Variants in KMT2C observed in about 807,000 individuals in gnomAD.
KMT2C encodes the protein lysine methyltransferase 2C.
In KMT2C, 88 loss-of-function variants were observed where a neutral mutation model predicts 507.9. The observed-to-expected ratio is 0.17, with a 90% CI of 0.15 to 0.21. KMT2C has a LOEUF of 0.21. KMT2C is among the 10% of genes least tolerant of loss of function. The pLI, the probability that KMT2C is intolerant of heterozygous loss-of-function variation, is 1.00. For synonymous variants in KMT2C, 2,049 were observed against 2,080.8 expected (o/e 0.98, Z 0.42); for missense variants, 4,954 against 5,957.8 (o/e 0.83, Z 5.55).
Position 152,169,317 on chromosome 7 carries a change from A to C in KMT2C, c.9454-68T>G. ...AGTTAAAGGGGGGAAAAAACTTTAA[A>C]AGAAAGAAAGAAAAAAAGAAATGGA... On this transcript the variant is annotated intron_variant, in intron 40 of 58. Transcript: ENST00000262189. 8 of 825,684 alleles carry C rather than the reference A, an allele frequency of 9.7e-6. 1 individual carries two copies. Among genetic ancestry groups the C allele is most frequent in the South Asian group, 7.5e-5 (5 of 66,502 alleles). The allele number at this position is 825,684 out of a possible 1,614,324, so 51.1% of individuals were successfully genotyped here.
At chr7:152,380,951 T>C (rs2097368645) in intron 1 of KMT2C, among the ~76,000 whole-genome samples, 3 of 152,262 alleles carry the variant, frequency 2.0e-5, no homozygotes, top group Admixed American at 1.3e-4. Flanking sequence ...TGGAACATAA[T>C]TTAGCAGAGA....
At chr7:152,335,072 A>G (rs1447671621) in intron 2 of KMT2C, among the ~76,000 whole-genome samples, 2 of 152,208 alleles carry the variant, frequency 1.3e-5, no homozygotes, top group African/African-American at 2.4e-5. Flanking sequence ...AATATTTAAT[A>G]TAGCTATGAC....
rs374787462 is a variant in KMT2C at position 152,159,048 on chromosome 7, C to T, written c.11485G>A (p.Gly3829Ser). 14 of 1,614,174 alleles carry T rather than the reference C, an allele frequency of 8.7e-6. No individual in the cohort carries two copies. Among genetic ancestry groups the T allele is most frequent in the Middle Eastern group, 1.7e-4 (1 of 6,060 alleles). ...AACTGGTTGCCACATCCAAAACCAC[C>T]TTGCATTTGAGCCCCCAAAGTTTGC... The part of the protein sequence containing the change: ...GLQTLGAQMQ[G>S]GFGCGNQLPK... The change falls in exon 44 of 59, where the codon GGT becomes AGT. Residue 3829 changes from glycine to serine, a missense_variant. By Grantham distance (56) the Gly-to-Ser change is moderately conservative (BLOSUM62 0). Around this residue, in one of 29 missense-constraint regions of KMT2C, gnomAD observed 801 missense variants for 751.2 expected, o/e 1.07. Transcript: ENST00000262189.
chr7:152,334,203 C>G (rs576937725), intron 2 of KMT2C, among the ~76,000 whole-genome samples: 15 of 152,176 alleles, frequency 9.9e-5, no homozygotes, highest in Non-Finnish European at 1.2e-4. Context: ...CGCCTGTAAT[C>G]CCAGCACTTT....
At chr7:152,245,803 G>A (rs940155110) in intron 14 of KMT2C, among the ~76,000 whole-genome samples, 9 of 152,052 alleles carry the variant, frequency 5.9e-5, no homozygotes, top group Admixed American at 5.2e-4. Flanking sequence ...TCTTTGGTTA[G>A]TATTTACTTT....
At chr7:152,425,308 G>A (rs1386286014) in intron 1 of KMT2C, among the ~76,000 whole-genome samples, 2 of 152,172 alleles carry the variant, frequency 1.3e-5, no homozygotes, top group African/African-American at 4.8e-5. Context: ...AGGCACAGTG[G>A]CTCACACCAG....
intron 40 of KMT2C, among the ~76,000 whole-genome samples, chr7:152,169,849 A>C (rs370479664): frequency 2.0e-5 from 3 of 152,298 alleles, no homozygotes; most frequent in East Asian, 1.9e-4. Context: ...GTTCCCAAAA[A>C]AATAAAAAAA....
intron 2 of KMT2C, among the ~76,000 whole-genome samples, chr7:152,345,337 G>A (rs533426164): frequency 1.3e-4 from 20 of 152,192 alleles, no homozygotes; most frequent in South Asian, 2.1e-4. Flanking sequence ...AGCTACTTGC[G>A]AAGCTGAGGT....
intron 49 of KMT2C, 151 bp downstream of exon 49, chr7:152,152,554 A>G: frequency 1.1e-6 from 1 of 942,750 alleles, no homozygotes; most frequent in Non-Finnish European, 1.6e-6. Flanking sequence ...ACAGCACAGA[A>G]AACAGAACAC....
intron 38 of KMT2C, 100 bp from the exon 39 acceptor site, chr7:152,174,342 T>C: frequency 3.2e-6 from 2 of 623,928 alleles, no homozygotes; most frequent in Non-Finnish European, 5.4e-6. Flanking sequence ...TATTATTTAA[T>C]AATCATTACA....
chr7:152,323,756 G>C (rs2096794850), intron 3 of KMT2C, among the ~76,000 whole-genome samples: 1 of 145,602 alleles, frequency 6.9e-6, no homozygotes, highest in Non-Finnish European at 1.5e-5. Flanking sequence ...AAAAGAGGGA[G>C]GGAAGGGGAG....
intron 31 of KMT2C, among the ~76,000 whole-genome samples, chr7:152,188,980 CA>C (rs2093710462): frequency 6.6e-6 from 1 of 152,158 alleles, no homozygotes; most frequent in African/African-American, 2.4e-5. Flanking sequence ...CACTAAAAAT[CA>C]GATGATTATT....
intron 1 of KMT2C, among the ~76,000 whole-genome samples, chr7:152,416,905 C>T (rs1335289311): frequency 1.3e-5 from 2 of 151,294 alleles, no homozygotes; most frequent in African/African-American, 2.4e-5. Context: ...AAAAATTAGC[C>T]AGGCATGGTG....
rs771901888 is a variant in KMT2C, at chr7:152,155,994, G to A, written c.11876C>T (p.Ala3959Val). Residue 3959 changes from alanine to valine, a missense_variant, in exon 46 of 59, where the codon GCC (alanine) becomes GTC (valine). Transcript: ENST00000262189. Reference sequence around the variant, plus strand: ...CTTGGGGCCCTGAGCAAGAGCTCGGGCCAACAAGTCGTCCTGGGGTCTGAA... The same window carrying A: ...CTTGGGGCCCTGAGCAAGAGCTCGGACCAACAAGTCGTCCTGGGGTCTGAA... The part of the protein sequence containing the change: ...LPFRPQDDLL[A>V]RALAQGPKTV... 6.2e-7 allele frequency: 1 copy of A among 1,610,176 alleles called. No individual in the cohort carries two copies. Among genetic ancestry groups the A allele is most frequent in the Admixed American group, 1.7e-5 (1 of 58,412 alleles).
intron 42 of KMT2C, among the ~76,000 whole-genome samples, chr7:152,164,226 C>T (rs1044940916): frequency 6.6e-6 from 1 of 151,788 alleles, no homozygotes; most frequent in Non-Finnish European, 1.5e-5. Flanking sequence ...GAATAACAGA[C>T]TTAACTCAAA....
chr7:152,321,797 T>C (rs972784862), intron 3 of KMT2C, among the ~76,000 whole-genome samples: 3 of 151,906 alleles, frequency 2.0e-5, no homozygotes, highest in Non-Finnish European at 4.4e-5. Context: ...AGATATCCTA[T>C]GTTCATGGAC....
Position 152,148,658 on chromosome 7 carries a change from G to A in KMT2C, c.13269C>T (p.Asp4423=). ...TDGPARLLNL[D]LDLWVHLNCA... The stretch of plus-strand genomic sequence containing the variant: ...AGTTCAAGTGGACCCACAGATCCAA[G>A]TCAAGGTTGAGTAGCCTTGCTGGTC... The change falls in exon 52 of 59, where the codon GAC becomes GAT. Residue 4423 remains aspartate (D), a synonymous_variant. Coordinates refer to ENST00000262189, the MANE Select transcript of KMT2C (RefSeq NM_170606.3). This position sits in a 1 kb window ranked among gnomAD's most constrained non-coding sequence, Gnocchi z 7.1. 1 of 1,614,172 alleles carries A rather than the reference G, an allele frequency of 6.2e-7. No individual in the cohort carries two copies. Among genetic ancestry groups the A allele is most frequent in the Non-Finnish European group, 8.5e-7 (1 of 1,180,038 alleles).
chr7:152,388,920 G>T (rs1444290908), intron 1 of KMT2C, among the ~76,000 whole-genome samples: 4 of 150,700 alleles, frequency 2.7e-5, no homozygotes, highest in Non-Finnish European at 5.9e-5. Flanking sequence ...AGCTAATTTT[G>T]TATTTTTAGT....
intron 44 of KMT2C, 57 bp downstream of exon 44, chr7:152,158,805 GC>G (rs1198360582): frequency 1.3e-6 from 2 of 1,516,566 alleles, no homozygotes; most frequent in East Asian, 2.3e-5. Context: ...ATGAGCCACT[GC>G]CCCCAGCCTA....
Sources: gnomAD v4.1 joint callset for allele counts (sites outside exome capture counted in the v4.1 genomes callset) on GRCh38, gnomAD v4.1.1 for gene constraint, gnomAD v4.1.1 regional missense constraint, Gnocchi (gnomAD v3.1) non-coding constraint, MANE v1.5 for transcripts, NCBI Gene and HGNC (gene_info 2026-07-23, HGNC 2026-07-21) for gene names.